The following WLS variants were observed in gnomAD, a reference collection of about 807,000 sequenced individuals.
WLS encodes the protein Wnt ligand secretion mediator, also known as protein wntless homolog.
A neutral mutation model predicts 62.8 loss-of-function variants in WLS; 23 were observed. The observed-to-expected ratio is 0.37, with a 90% CI of 0.26 to 0.52. WLS has a LOEUF of 0.52. WLS is among the 20% of genes least tolerant of loss of function. The pLI is 0.92. For synonymous variants in WLS, 246 were observed against 244.1 expected, an observed-to-expected ratio of 1.01 and a Z score of -0.07; for missense variants, 615 against 697.3, an observed-to-expected ratio of 0.88 and a Z score of 1.33.
intron 3 of WLS, among the ~76,000 whole-genome samples, chr1:68,156,210 G>C (rs994208285): frequency 6.6e-6 from 1 of 152,136 alleles, no homozygotes; most frequent in African/African-American, 2.4e-5. Context: ...TAGAAGATGA[G>C]AGTCTACCAT....
chr1:68,198,728 T>C (rs1020494715), intron 1 of WLS, among the ~76,000 whole-genome samples: 62 of 152,160 alleles, frequency 4.1e-4, no homozygotes, highest in African/African-American at 1.4e-3. Context: ...AAAAATAATT[T>C]TGATGAATGT....
At chr1:68,131,005 G>A (rs916915702) in intron 11 of WLS, among the ~76,000 whole-genome samples, 3 of 147,674 alleles carry the variant, frequency 2.0e-5, no homozygotes, top group Non-Finnish European at 3.0e-5. Context: ...AGATTCTCCT[G>A]CCTCAGTTTC....
chr1:68,131,927 A>C (rs1277110264), intron 11 of WLS, among the ~76,000 whole-genome samples: 1 of 152,180 alleles, frequency 6.6e-6, no homozygotes, highest in Non-Finnish European at 1.5e-5. Flanking sequence ...AGCCAGACAG[A>C]GAGGTCTCGG....
intron 11 of WLS, among the ~76,000 whole-genome samples, chr1:68,111,178 A>G (rs762089959): frequency 2.0e-5 from 3 of 152,200 alleles, no homozygotes; most frequent in Non-Finnish European, 4.4e-5. Context: ...CTCCATCTAT[A>G]GTATTTTTGT....
At chr1:68,144,878 A>C (rs1570884609) in intron 9 of WLS, among the ~76,000 whole-genome samples, 1 of 152,354 alleles carries the variant, frequency 6.6e-6, no homozygotes, top group East Asian at 1.9e-4. Context: ...AAGCAGCGAT[A>C]CGAGAGCCTG....
chr1:68,123,784 G>T (rs781459447), downstream of WLS, among the ~76,000 whole-genome samples: 2 of 152,124 alleles, frequency 1.3e-5, no homozygotes, highest in Non-Finnish European at 2.9e-5. Flanking sequence ...AGAGAAACAA[G>T]AACTGGATAA....
chr1:68,170,464 G>A (rs1008002698), intron 2 of WLS, among the ~76,000 whole-genome samples: 1 of 152,002 alleles, frequency 6.6e-6, no homozygotes, highest in Non-Finnish European at 1.5e-5. Context: ...CACCGCGCTC[G>A]GCCGCTGGCT....
Position 68,194,464 on chromosome 1 carries a change from T to A in WLS, c.107-237A>T, listed in dbSNP as rs539691313. Among the ~76,000 whole-genome samples the A allele has an allele frequency of 3.9e-5, 6 of 152,344 alleles. No homozygotes were observed. In the East Asian group the frequency reaches 1.2e-3, roughly 29 times the overall value. The stretch of plus-strand genomic sequence containing the variant: ...TATGTTTTCAATTGCTGTGAAAGAA[T>A]ACATTTGTAACCAGTCTAGTTATAC... On this transcript the variant is annotated intron_variant, in intron 1 of 11. Transcript: ENST00000262348.
chr1:68,191,747 A>T (rs113288122), intron 2 of WLS, among the ~76,000 whole-genome samples: 359 of 152,324 alleles, frequency 2.4e-3, no homozygotes, highest in Non-Finnish European at 3.8e-3. Flanking sequence ...ACCACCACTT[A>T]AAAGCTTGAG....
At chr1:68,121,701 G>A (rs1439467292), downstream of WLS, among the ~76,000 whole-genome samples, 1 of 152,190 alleles carries the variant, frequency 6.6e-6, no homozygotes, top group Non-Finnish European at 1.5e-5. Context: ...AGCAAATTGA[G>A]CCTGACCAAC....
chr1:68,155,059 C>T (rs971857193), intron 4 of WLS, 40 bp downstream of exon 4: 1 of 1,583,064 alleles, frequency 6.3e-7, no homozygotes, highest in Middle Eastern at 1.7e-4. Flanking sequence ...GATGGAGTTC[C>T]CCTCCAATAC....
intron 1 of WLS, among the ~76,000 whole-genome samples, chr1:68,204,139 C>T (rs1002701922): frequency 7.2e-5 from 11 of 152,266 alleles, no homozygotes; most frequent in African/African-American, 2.4e-4. Context: ...GCAAGTAAGA[C>T]CTGTTAATGT....
At chr1:68,216,145 A>T (rs1649717924) in intron 1 of WLS, among the ~76,000 whole-genome samples, 1 of 152,222 alleles carries the variant, frequency 6.6e-6, no homozygotes, top group Non-Finnish European at 1.5e-5. Flanking sequence ...TTCTATCACA[A>T]GTAGTTCATA....
chr1:68,189,094 C>T (rs1648138560), intron 2 of WLS, among the ~76,000 whole-genome samples: 1 of 152,116 alleles, frequency 6.6e-6, no homozygotes, highest in Admixed American at 6.5e-5. Context: ...CTTGTGCTGT[C>T]CCCTGATAAG....
intron 6 of WLS, among the ~76,000 whole-genome samples, chr1:68,149,027 T>C (rs540164997): frequency 6.6e-6 from 1 of 152,294 alleles, no homozygotes; most frequent in African/African-American, 2.4e-5. Context: ...TTTATAAAAG[T>C]GACTGATCCT....
intron 1 of WLS, among the ~76,000 whole-genome samples, chr1:68,201,335 G>A (rs1649005976): frequency 1.3e-5 from 2 of 152,182 alleles, no homozygotes; most frequent in South Asian, 2.1e-4. Context: ...TAAAGAAAGT[G>A]CAAATATTTG....
chr1:68,229,408 C>G (rs553165873), intron 1 of WLS, among the ~76,000 whole-genome samples: 1 of 151,590 alleles, frequency 6.6e-6, no homozygotes, highest in East Asian at 2.0e-4. Flanking sequence ...ACTTGGCCTA[C>G]TGCAGATATA....
chr1:68,133,063 A>ACAGCAG (rs1011324271), intron 11 of WLS, among the ~76,000 whole-genome samples: 28 of 53,110 alleles, frequency 5.3e-4, no homozygotes, highest in South Asian at 1.8e-3. Flanking sequence ...AGCAACAGCA[A>ACAGCAG]CAGCAGCAGC....
In WLS at chr1:68,185,561, C is replaced by T. The variant is rs569533781; in HGVS notation, c.379+8394G>A. Among the ~76,000 whole-genome samples, 45 of 152,160 alleles carry T rather than the reference C, an allele frequency of 3.0e-4. No individual in the cohort carries two copies. In the South Asian group the frequency reaches 3.1e-3, roughly 11 times the overall value. On this transcript the variant is annotated intron_variant, in intron 2 of 11. Coordinates refer to ENST00000262348, the MANE Select transcript of WLS (RefSeq NM_024911.7). ...ATTATATTCTCATAGGAGTGGGAACCCTATTGTGAAGTATTCATGCAAGGG... is the reference window on the plus strand; with the variant it reads ...ATTATATTCTCATAGGAGTGGGAACTCTATTGTGAAGTATTCATGCAAGGG...
Sources: allele counts gnomAD v4.1 joint callset (sites outside exome capture counted in the v4.1 genomes callset), GRCh38; gene constraint gnomAD v4.1.1; transcripts MANE v1.5; gene names NCBI Gene and HGNC (gene_info 2026-07-23, HGNC 2026-07-21).